FSD1L: variants seen among roughly 807,000 people sequenced by gnomAD.
FSD1L encodes fibronectin type III and SPRY domain containing 1 like.
Under a neutral mutation model 71.6 loss-of-function variants are expected in FSD1L, and 45 were observed. That is an observed-to-expected ratio of 0.63 (90% confidence interval 0.49 to 0.81). The LOEUF is 0.81. Among genes scored for constraint, FSD1L ranks in the 30% least tolerant of loss-of-function variants. FSD1L has a pLI of 0.00. For synonymous variants in FSD1L, 197 were observed against 207.2 expected, an observed-to-expected ratio of 0.95 and a Z score of 0.42; for missense variants, 561 against 618.1, an observed-to-expected ratio of 0.91 and a Z score of 0.98.
chr9:105,461,485 C>T (rs1451934782), intron 1 of FSD1L, 35 bp from the exon 2 acceptor site: 4 of 1,057,328 alleles, frequency 3.8e-6, no homozygotes, highest in Admixed American at 2.6e-5. Context: ...TTTGATGTGG[C>T]TGCTATTGGC....
intron 7 of FSD1L, among the ~76,000 whole-genome samples, chr9:105,501,117 T>C (rs1298053201): frequency 1.3e-5 from 2 of 152,232 alleles, no homozygotes; most frequent in African/African-American, 4.8e-5. Context: ...AGAGTCTTAG[T>C]GTTGGACTTG....
intron 11 of FSD1L, 47 bp from the exon 12 acceptor site, chr9:105,535,020 C>A: frequency 6.5e-7 from 1 of 1,544,330 alleles, no homozygotes; most frequent in African/African-American, 1.4e-5. Flanking sequence ...AACTGTGTGA[C>A]TCATAAGGAA....
chr9:105,486,881 C>G (rs1442646748), intron 7 of FSD1L, among the ~76,000 whole-genome samples: 1 of 152,050 alleles, frequency 6.6e-6, no homozygotes. Flanking sequence ...TAGGAGCTAC[C>G]AACATTAACT....
At chr9:105,479,477 G>A in intron 6 of FSD1L, 101 bp downstream of exon 6, 1 of 973,870 alleles carries the variant, frequency 1.0e-6, no homozygotes, top group Non-Finnish European at 1.5e-6. Context: ...TAAGATAAAA[G>A]TACCCAATGA....
At chr9:105,488,540 G>A (rs1242355987) in intron 7 of FSD1L, among the ~76,000 whole-genome samples, 3 of 152,070 alleles carry the variant, frequency 2.0e-5, no homozygotes, top group Non-Finnish European at 4.4e-5. Context: ...GATAAATGCC[G>A]ATTACTGAAT....
At chr9:105,481,529 G>C (rs943095022) in intron 6 of FSD1L, among the ~76,000 whole-genome samples, 1 of 151,558 alleles carries the variant, frequency 6.6e-6, no homozygotes, top group Non-Finnish European at 1.5e-5. Flanking sequence ...GACCTCAAGT[G>C]ATCTGCCCAC....
intron 10 of FSD1L, among the ~76,000 whole-genome samples, chr9:105,533,229 A>T (rs1378074040): frequency 1.3e-5 from 2 of 151,966 alleles, no homozygotes; most frequent in African/African-American, 2.4e-5. Flanking sequence ...TTTTGAAAAC[A>T]TCTTTGGGAC....
At chr9:105,459,431 A>G (rs892142552) in intron 1 of FSD1L, among the ~76,000 whole-genome samples, 2 of 152,200 alleles carry the variant, frequency 1.3e-5, no homozygotes, top group Non-Finnish European at 2.9e-5. Context: ...CCTCTCCCTG[A>G]TAAACTTACT....
At chr9:105,464,008 G>T (rs1406314319) in intron 2 of FSD1L, among the ~76,000 whole-genome samples, 1 of 152,034 alleles carries the variant, frequency 6.6e-6, no homozygotes, top group Non-Finnish European at 1.5e-5. Context: ...AAAGTATCAT[G>T]GTGATTAAGT....
chr9:105,467,082 G>C (rs1016163320), intron 3 of FSD1L, among the ~76,000 whole-genome samples: 5 of 152,112 alleles, frequency 3.3e-5, no homozygotes, highest in African/African-American at 1.2e-4. Flanking sequence ...CCTTGTATAA[G>C]GTCATGCTGT....
At chr9:105,457,272 G>A (rs899182869) in intron 1 of FSD1L, among the ~76,000 whole-genome samples, 1 of 152,214 alleles carries the variant, frequency 6.6e-6, no homozygotes, top group Non-Finnish European at 1.5e-5. Flanking sequence ...CAGCTGGAGT[G>A]TAACAAGGGA....
chr9:105,490,335 C>T (rs1217066827), intron 7 of FSD1L, among the ~76,000 whole-genome samples: 1 of 152,012 alleles, frequency 6.6e-6, no homozygotes, highest in African/African-American at 2.4e-5. Context: ...GTCCTTCGCC[C>T]ACTTTTTGAT....
chr9:105,494,518 A>T (rs1017851753), intron 7 of FSD1L, among the ~76,000 whole-genome samples: 1 of 152,198 alleles, frequency 6.6e-6, no homozygotes, highest in Non-Finnish European at 1.5e-5. Context: ...GTCATTCTCC[A>T]TTCAGCTTTG....
intron 10 of FSD1L, chr9:105,524,835 A>G (rs894198031): frequency 3.8e-6 from 6 of 1,590,674 alleles, no homozygotes; most frequent in Non-Finnish European, 5.2e-6. Flanking sequence ...TGGTCCTGCT[A>G]TGCTAACAAG....
intron 9 of FSD1L, among the ~76,000 whole-genome samples, chr9:105,509,777 T>C (rs1834289473): frequency 6.6e-6 from 1 of 152,264 alleles, no homozygotes. Context: ...ATTTGAGAAC[T>C]ATAGGTAACT....
chr9:105,533,899 T>A (rs1450033105), intron 10 of FSD1L, among the ~76,000 whole-genome samples: 6 of 152,020 alleles, frequency 3.9e-5, no homozygotes, highest in African/African-American at 7.3e-5. Flanking sequence ...AATTTTGTAT[T>A]TTTAGTAGAG....
chr9:105,517,275 C>T (rs1242171084), intron 10 of FSD1L, among the ~76,000 whole-genome samples: 1 of 152,186 alleles, frequency 6.6e-6, no homozygotes, highest in Admixed American at 6.5e-5. Context: ...AGGAGAACTT[C>T]CCCAACCTAG....
intron 3 of FSD1L, among the ~76,000 whole-genome samples, chr9:105,466,185 A>G (rs1831056699): frequency 6.6e-6 from 1 of 152,194 alleles, no homozygotes; most frequent in African/African-American, 2.4e-5. Flanking sequence ...TACCTAAGGA[A>G]ATGAAAGATC....
At position 105,539,317 on chromosome 9, in the gene FSD1L, C is replaced by A; in HGVS notation, c.1433C>A (p.Thr478Lys). 6.7e-7 allele frequency: 1 copy of A among 1,503,244 alleles called. No individual in the cohort carries two copies. Among genetic ancestry groups the A allele is most frequent in the Non-Finnish European group, 9.0e-7 (1 of 1,114,394 alleles). 93.1% of individuals were successfully genotyped at this position (1,503,244 alleles called of 1,614,324 possible). The change falls in exon 13 of 14, where the codon ACA (threonine) becomes AAA (lysine). Residue 478 changes from threonine (T) to lysine (K), a missense_variant. Coordinates refer to ENST00000481272, the MANE Select transcript of FSD1L (RefSeq NM_001145313.3). ...NSKQLLYSFK[T>K]KFTQPVLPGF... is the part of the protein sequence containing the mutation. ...AAACAGTTGCTATATTCCTTTAAGA[C>A]AAAATTTACTCAGCCAGTACTACCT...
Sources: gnomAD v4.1 joint callset for allele counts (sites outside exome capture counted in the v4.1 genomes callset) on GRCh38, gnomAD v4.1.1 for gene constraint, MANE v1.5 for transcripts, NCBI Gene and HGNC (gene_info 2026-07-23, HGNC 2026-07-21) for gene names.